TMEM204: variants seen among roughly 807,000 people sequenced by gnomAD.
TMEM204 encodes the protein transmembrane protein 204.
A neutral mutation model predicts 19.4 loss-of-function variants in TMEM204; 15 were observed. The ratio of observed to expected loss-of-function variants is 0.77; its 90% CI spans 0.52 to 1.19. The LOEUF (loss-of-function observed/expected upper bound fraction) is 1.19, where lower values mean the gene tolerates loss of function less well. Among genes scored for constraint, TMEM204 ranks in the 50% most tolerant of loss-of-function variants. TMEM204 has a pLI of 0.00. For synonymous variants in TMEM204, 161 were observed against 146.0 expected, an observed-to-expected ratio of 1.10 and a Z score of -0.74; for missense variants, 287 against 321.2, an observed-to-expected ratio of 0.89 and a Z score of 0.81.
intron 2 of TMEM204, among the ~76,000 whole-genome samples, chr16:1,543,338 G>A (rs954777962): frequency 6.6e-6 from 1 of 152,244 alleles, no homozygotes; most frequent in Admixed American, 6.5e-5. Flanking sequence ...ATTTCCAGAA[G>A]GAGGCTGACA....
intron 1 of TMEM204, among the ~76,000 whole-genome samples, chr16:1,537,325 G>A (rs544903814): frequency 1.3e-5 from 2 of 152,360 alleles, no homozygotes; most frequent in East Asian, 1.9e-4. Flanking sequence ...GTCTCCGGAC[G>A]GCTCTGTGCC....
Position 1,555,131 on chromosome 16 carries a change from C to T in TMEM204, c.*105C>T, listed in dbSNP as rs1403537213. ...CACTTCCCCTGCTCGTGCAGAGGCA[C>T]GGGATGAGTCTGGGTGACCTCTGCG... On this transcript the variant is annotated 3_prime_UTR_variant, in exon 3 of 3. Transcript: ENST00000566264. The T allele has an allele frequency of 1.8e-5, 26 of 1,409,088 alleles. No homozygotes were observed. Among genetic ancestry groups the T allele is most frequent in the South Asian group, 5.5e-5 (4 of 72,750 alleles). 87.3% of individuals were successfully genotyped at this position (1,409,088 alleles called of 1,614,324 possible).
Position 1,537,978 on chromosome 16 carries a change from G to A in TMEM204, c.280+3423G>A, listed in dbSNP as rs79102728. 4.5e-4 allele frequency among the ~76,000 whole-genome samples: 69 copies of A among 152,328 alleles called. No homozygotes were observed. In the East Asian group the frequency reaches 0.013, roughly 29 times the overall value. ...CTCGGCCAGGACCCAGCTGAACCAC[G>A]TTCTCACCGACACCTTTAAAAGTCA... On this transcript the variant is annotated intron_variant, in intron 1 of 2. Coordinates refer to ENST00000566264, the MANE Select transcript of TMEM204 (RefSeq NM_024600.6).
intron 2 of TMEM204, among the ~76,000 whole-genome samples, chr16:1,542,772 C>G (rs913334474): frequency 6.6e-6 from 1 of 152,240 alleles, no homozygotes; most frequent in Admixed American, 6.5e-5. Flanking sequence ...CCTGGCTTCC[C>G]CAAGCCGCCA....
At chr16:1,544,860 G>C (rs1461827969) in intron 2 of TMEM204, among the ~76,000 whole-genome samples, 3 of 151,816 alleles carry the variant, frequency 2.0e-5, no homozygotes, top group Non-Finnish European at 4.4e-5. Flanking sequence ...GTGTTAGCCA[G>C]GATGGTCTCG....
upstream of TMEM204, chr16:1,530,892 T>C (rs1029715219): frequency 3.3e-5 from 5 of 152,322 alleles, no homozygotes; most frequent in African/African-American, 1.2e-4. Flanking sequence ...ATGTGCTGTA[T>C]GTGCGGCCAC....
At chr16:1,554,346 A>G (rs561489666) in intron 2 of TMEM204, among the ~76,000 whole-genome samples, 1 of 152,378 alleles carries the variant, frequency 6.6e-6, no homozygotes, top group African/African-American at 2.4e-5. Flanking sequence ...GCATTTACAA[A>G]AGTCAGAGAT....
chr16:1,537,754 C>A (rs1346317102), intron 1 of TMEM204, among the ~76,000 whole-genome samples: 1 of 152,256 alleles, frequency 6.6e-6, no homozygotes, highest in East Asian at 1.9e-4. Context: ...AACAAGGTGG[C>A]TTGGGAACAG....
intron 2 of TMEM204, among the ~76,000 whole-genome samples, chr16:1,548,045 CTT>C (rs1186241723): frequency 1.3e-5 from 2 of 152,230 alleles, no homozygotes; most frequent in Non-Finnish European, 2.9e-5. Context: ...CCCTTCGTCT[CTT>C]CTTTCCCTTC....
At chr16:1,550,338 A>T (rs116595551) in intron 2 of TMEM204, among the ~76,000 whole-genome samples, 3,277 of 152,360 alleles carry the variant, frequency 0.022, 116 homozygotes, top group African/African-American at 0.074. Context: ...AACCATGCAC[A>T]GGGAGGTCAT....
chr16:1,536,336 C>T (rs1197395090), intron 1 of TMEM204, among the ~76,000 whole-genome samples: 1 of 152,218 alleles, frequency 6.6e-6, no homozygotes, highest in African/African-American at 2.4e-5. Context: ...GGCCTGCTCA[C>T]CTCAGGCCAG....
Position 1,534,146 on chromosome 16 carries a change from C to T in TMEM204, c.-130C>T, listed in dbSNP as rs543925282. ...ACACCTGGACCATCCCATGGGCCTC[C>T]GCCCGCGCCGCCCCGAGGATGAGTG... is the stretch of plus-strand genomic sequence containing the variant. On this transcript the variant is annotated 5_prime_UTR_variant, in exon 1 of 3. Transcript: ENST00000566264. 4.5e-5 allele frequency: 55 copies of T among 1,228,048 alleles called. No individual in the cohort carries two copies. Among genetic ancestry groups the T allele is most frequent in the Non-Finnish European group, 5.4e-5 (49 of 905,460 alleles). The allele number at this position is 1,228,048 out of a possible 1,614,324, so 76.1% of individuals were successfully genotyped here. A position where few individuals can be genotyped will look rare whatever the true frequency, so the allele number is the denominator to read the frequency against.
intron 1 of TMEM204, chr16:1,541,303 G>C: frequency 1.0e-6 from 1 of 985,300 alleles, no homozygotes; most frequent in African/African-American, 1.7e-5. Context: ...GGGGGGCACT[G>C]GTTCAGACCC....
intron 1 of TMEM204, among the ~76,000 whole-genome samples, chr16:1,534,837 C>T (rs1292288132): frequency 3.9e-5 from 6 of 152,212 alleles, no homozygotes; most frequent in Non-Finnish European, 1.5e-5. Flanking sequence ...TTTGGGGGGC[C>T]TCTCTGCCGT....
At chr16:1,552,928 T>C in intron 2 of TMEM204, 1 of 979,408 alleles carries the variant, frequency 1.0e-6, no homozygotes, top group Non-Finnish European at 1.2e-6. Flanking sequence ...GCTGCGATTA[T>C]AGGCGTAAAC....
At chr16:1,529,203 G>A (rs1596311494), upstream of TMEM204, among the ~76,000 whole-genome samples, 1 of 152,350 alleles carries the variant, frequency 6.6e-6, no homozygotes, top group East Asian at 1.9e-4. Flanking sequence ...GCGGGCAGGT[G>A]CATGTGTCTT....
chr16:1,534,122 C>T lies in TMEM204; in HGVS notation c.-154C>T, dbSNP rs368737142. On this transcript the variant is annotated 5_prime_UTR_variant, in exon 1 of 3. Transcript: ENST00000566264. ...GATAAGGCCGGGCCGAGAGGCGGCA[C>T]ACCTGGACCATCCCATGGGCCTCCG... The T allele has an allele frequency of 6.6e-5, 62 of 935,910 alleles. No homozygotes were observed. The East Asian group carries it at 8.2e-4, about 12-fold the overall frequency. The allele number at this position is 935,910 out of a possible 1,614,324, so 58.0% of individuals were successfully genotyped here. A position where few individuals can be genotyped will look rare whatever the true frequency, so the allele number is the denominator to read the frequency against.
chr16:1,529,558 C>T (rs1047820325), upstream of TMEM204, among the ~76,000 whole-genome samples: 13 of 152,352 alleles, frequency 8.5e-5, no homozygotes, highest in South Asian at 6.2e-4. Context: ...GGAACTCTTG[C>T]CACCAACTCA....
chr16:1,553,521 CA>C lies in TMEM204; in HGVS notation c.437-1260del, dbSNP rs1249920766. 3.0e-6 allele frequency: 3 copies of C among 993,576 alleles called. No homozygotes were observed. The Admixed American group carries it at 1.7e-4, about 55-fold the overall frequency. 61.5% of individuals were successfully genotyped at this position (993,576 alleles called of 1,614,324 possible). On this transcript the variant is annotated intron_variant, in intron 2 of 2. Coordinates refer to ENST00000566264, the MANE Select transcript of TMEM204 (RefSeq NM_024600.6). This position sits in a 1 kb window ranked among gnomAD's most constrained non-coding sequence, Gnocchi z 4.4. Reference sequence around the variant, plus strand: ...GGCGTGGCCGGAGCCTGGGGAGGGACATGGACAAGTCCTCTATGGACAAGAG... The same window carrying C: ...GGCGTGGCCGGAGCCTGGGGAGGGACTGGACAAGTCCTCTATGGACAAGAG...
Sources: allele counts gnomAD v4.1 joint callset (sites outside exome capture counted in the v4.1 genomes callset), GRCh38; gene constraint gnomAD v4.1.1; non-coding constraint Gnocchi (gnomAD v3.1); transcripts MANE v1.5; gene names NCBI Gene and HGNC (gene_info 2026-07-23, HGNC 2026-07-21).